GAB2: variants seen among roughly 807,000 people sequenced by gnomAD.
The protein encoded by GAB2 is GRB2 associated binding protein 2.
Under a neutral mutation model 65.5 loss-of-function variants are expected in GAB2, and 26 were observed. The ratio of observed to expected loss-of-function variants is 0.40; its 90% CI spans 0.29 to 0.55. The LOEUF is 0.55. GAB2 is among the 20% of genes least tolerant of loss of function. The pLI is 0.53. For synonymous variants in GAB2, 321 were observed against 329.6 expected (o/e 0.97, Z 0.28); for missense variants, 884 against 875.8 (o/e 1.01, Z -0.12).
intron 2 of GAB2, among the ~76,000 whole-genome samples, chr11:78,276,005 T>C (rs1288964865): frequency 6.7e-6 from 1 of 149,604 alleles, no homozygotes; most frequent in Non-Finnish European, 1.5e-5. Context: ...TCCCAGCTAC[T>C]CAGGAGGCTG....
At chr11:78,223,748 T>C in intron 5 of GAB2, 72 bp from the exon 6 acceptor site, 1 of 1,292,392 alleles carries the variant, frequency 7.7e-7, no homozygotes, top group Non-Finnish European at 1.1e-6. Context: ...TAAGACTTTG[T>C]AAATGAGGCA....
intron 1 of GAB2, among the ~76,000 whole-genome samples, chr11:78,309,827 T>A (rs1417556521): frequency 6.6e-6 from 1 of 152,016 alleles, no homozygotes; most frequent in Non-Finnish European, 1.5e-5. Flanking sequence ...GGATAGGGAC[T>A]CAAGTCAACA....
At chr11:78,379,066 G>A (rs1286092721) in intron 1 of GAB2, among the ~76,000 whole-genome samples, 2 of 152,182 alleles carry the variant, frequency 1.3e-5, no homozygotes, top group Non-Finnish European at 2.9e-5. Context: ...CAATCAATAA[G>A]TGTTCGTTAC....
chr11:78,248,966 T>G (rs1865372111), intron 3 of GAB2, among the ~76,000 whole-genome samples: 1 of 152,222 alleles, frequency 6.6e-6, no homozygotes, highest in Admixed American at 6.5e-5. Context: ...CATGTATAAG[T>G]TGATGGAAGT....
intron 1 of GAB2, among the ~76,000 whole-genome samples, chr11:78,354,877 A>G (rs766399828): frequency 1.3e-5 from 2 of 152,210 alleles, no homozygotes; most frequent in African/African-American, 2.4e-5. Context: ...CAGCAGCATT[A>G]CTGGTAATTA....
chr11:78,370,235 C>T lies in GAB2; in HGVS notation c.75+47411G>A, dbSNP rs1486208833. Among the ~76,000 whole-genome samples the T allele has an allele frequency of 3.9e-5, 5 of 126,956 alleles. No individual in the cohort carries two copies. The East Asian group carries it at 8.8e-4, about 22-fold the overall frequency. The allele number at this position is 126,956 out of a possible 152,430, so 83.3% of individuals were successfully genotyped here. On this transcript the variant is annotated intron_variant, in intron 1 of 9. Transcript: ENST00000361507. ...TCCCGCCACTGCACTCCAGCCTGGG[C>T]GACAGAGCGAGACTCCGTCTCAAAA...
intron 1 of GAB2, among the ~76,000 whole-genome samples, chr11:78,358,292 T>C: frequency 2.4e-5 from 2 of 84,334 alleles, no homozygotes; most frequent in Non-Finnish European, 4.5e-5. Context: ...CCGGGGCCTG[T>C]TGTGGGGTGG....
chr11:78,396,047 T>A (rs1591086069), intron 1 of GAB2, among the ~76,000 whole-genome samples: 1 of 152,250 alleles, frequency 6.6e-6, no homozygotes, highest in African/African-American at 2.4e-5. Flanking sequence ...TGAATGCTGA[T>A]CCTTGATTGC....
rs575539644 is a variant in GAB2 at position 78,369,865 on chromosome 11, T to C, written c.75+47781A>G. On this transcript the variant is annotated intron_variant, in intron 1 of 9. Transcript: ENST00000361507. ...TCACCTAAAGGTTATCACCAGATGATGGCATCTGGCGTGGGGTTTTTTGTT... is the reference window on the plus strand; with the variant it reads ...TCACCTAAAGGTTATCACCAGATGACGGCATCTGGCGTGGGGTTTTTTGTT... Among the ~76,000 whole-genome samples the C allele has an allele frequency of 2.6e-4, 40 of 152,336 alleles. No individual in the cohort carries two copies. In the South Asian group the frequency reaches 7.7e-3, roughly 29 times the overall value.
At chr11:78,299,969 T>C (rs1032663047) in intron 1 of GAB2, among the ~76,000 whole-genome samples, 1 of 152,186 alleles carries the variant, frequency 6.6e-6, no homozygotes, top group South Asian at 2.1e-4. Context: ...TACATAGATA[T>C]AATTTAGATA....
intron 1 of GAB2, among the ~76,000 whole-genome samples, chr11:78,401,114 T>TA (rs754665540): frequency 0.041 from 5,910 of 144,914 alleles, 259 homozygotes; most frequent in African/African-American, 0.12. Flanking sequence ...AAGTGAGGTT[T>TA]AAAAAAAAAA....
chr11:78,219,036 A>G lies in GAB2; in HGVS notation c.*236T>C. On this transcript the variant is annotated 3_prime_UTR_variant, in exon 10 of 10. Transcript: ENST00000361507. ...GCTCCTAACTAAGGTGGGTGGAGGC[A>G]TGGCCATTACTGATAAAAATCACAG... is the stretch of plus-strand genomic sequence containing the variant. The G allele has an allele frequency of 2.0e-6, 1 of 508,464 alleles. No homozygotes were observed. Among genetic ancestry groups the G allele is most frequent in the Non-Finnish European group, 3.5e-6 (1 of 286,062 alleles). 31.5% of individuals were successfully genotyped at this position (508,464 alleles called of 1,614,324 possible).
intron 1 of GAB2, among the ~76,000 whole-genome samples, chr11:78,291,555 CTTTTTCTTTTT>C (rs1184796384): frequency 0.065 from 3,541 of 54,780 alleles, 270 homozygotes; most frequent in African/African-American, 0.16. Context: ...TTACTTTTTT[CTTTTTCTTTTT>C]TTTTTTTTTT....
chr11:78,270,987 T>C (rs1004746275), intron 2 of GAB2, among the ~76,000 whole-genome samples: 25 of 152,368 alleles, frequency 1.6e-4, no homozygotes, highest in Admixed American at 1.2e-3. Context: ...GTCCCTGTGA[T>C]AGTGGCTGTG....
intron 1 of GAB2, among the ~76,000 whole-genome samples, chr11:78,415,156 G>A (rs1857178584): frequency 6.6e-6 from 1 of 152,222 alleles, no homozygotes; most frequent in African/African-American, 2.4e-5. Context: ...ACAGGCATAA[G>A]CCACTGCGCC....
intron 1 of GAB2, among the ~76,000 whole-genome samples, chr11:78,291,157 A>C (rs1329676809): frequency 1.3e-5 from 2 of 152,042 alleles, no homozygotes; most frequent in Admixed American, 6.6e-5. Context: ...AGAAGGGCTC[A>C]AAGAGTAGAT....
chr11:78,312,234 TAAGAGGAAAAC>T (rs989154667), intron 1 of GAB2, among the ~76,000 whole-genome samples: 1 of 147,278 alleles, frequency 6.8e-6, no homozygotes, highest in African/African-American at 2.5e-5. Flanking sequence ...AATAAGAAAG[TAAGAGGAAAAC>T]AAGAGGGAGA....
rs1277129766 is a variant in GAB2 at position 78,394,597 on chromosome 11, A to G, written c.75+23049T>C. 2.0e-5 allele frequency among the ~76,000 whole-genome samples: 3 copies of G among 152,238 alleles called. No individual in the cohort carries two copies. In the East Asian group the frequency reaches 5.8e-4, roughly 29 times the overall value. ...TTGTGAATATCTGATCAGGCAGTCG[A>G]CTTACAGATTTGGCCTGCACCAATC... On this transcript the variant is annotated intron_variant, in intron 1 of 9. Transcript: ENST00000361507.
chr11:78,285,773 G>A (rs1019844214), intron 1 of GAB2, among the ~76,000 whole-genome samples: 3 of 152,144 alleles, frequency 2.0e-5, no homozygotes, highest in African/African-American at 7.2e-5. Context: ...GGCCCCATGT[G>A]TTTTTAAAAA....
Sources: gnomAD v4.1 joint callset for allele counts (sites outside exome capture counted in the v4.1 genomes callset) on GRCh38, gnomAD v4.1.1 for gene constraint, MANE v1.5 for transcripts, NCBI Gene and HGNC (gene_info 2026-07-23, HGNC 2026-07-21) for gene names.